ATF3: variants seen among roughly 807,000 people sequenced by gnomAD.
ATF3 encodes activating transcription factor 3, also known as cyclic AMP-dependent transcription factor ATF-3.
ATF3 carries 10 observed loss-of-function variants against 18.4 expected under a neutral mutation model. The ratio of observed to expected loss-of-function variants is 0.54; its 90% CI spans 0.34 to 0.92. The LOEUF is 0.92. Ranked by LOEUF, ATF3 falls within the 40% of genes least tolerant of loss-of-function variation. ATF3 has a pLI of 0.02. For missense variants in ATF3, 183 were observed against 222.3 expected (o/e 0.82, Z 1.12); for synonymous variants, 78 against 87.9 (o/e 0.89, Z 0.63).
At chr1:212,569,327 T>C (rs1244694605) in intron 1 of ATF3, among the ~76,000 whole-genome samples, 1 of 152,252 alleles carries the variant, frequency 6.6e-6, no homozygotes, top group Non-Finnish European at 1.5e-5. Context: ...CTTTTCATCA[T>C]ATACACTTTC....
upstream of ATF3, among the ~76,000 whole-genome samples, chr1:212,604,148 T>A (rs1183525637): frequency 6.6e-6 from 1 of 152,216 alleles, no homozygotes; most frequent in Admixed American, 6.5e-5. Context: ...ATTTGATTCT[T>A]ACAACAACCT....
Position 212,615,086 on chromosome 1 carries a change from G to A in ATF3, c.65G>A (p.Cys22Tyr). The A allele has an allele frequency of 1.2e-6, 2 of 1,614,160 alleles. No individual in the cohort carries two copies. The highest frequency in any genetic ancestry group is 1.3e-5 in the African/African-American group (1 of 75,028). ...SEVSASAIVP[C>Y]LSPPGSLVFE... ...GTGAGTGCTTCTGCCATCGTCCCCTGCCTGTCCCCTCCTGGGTCACTGGTG... is the reference window on the plus strand; with the variant it reads ...GTGAGTGCTTCTGCCATCGTCCCCTACCTGTCCCCTCCTGGGTCACTGGTG... Residue 22 changes from cysteine (C) to tyrosine (Y), a missense_variant, in exon 2 of 4, where the codon TGC becomes TAC. Transcript: ENST00000341491.
chr1:212,597,464 A>ATCTC (rs1558233090), intron 1 of ATF3, among the ~76,000 whole-genome samples: 25 of 144,842 alleles, frequency 1.7e-4, no homozygotes, highest in African/African-American at 6.5e-4. Flanking sequence ...CTATCTCTCT[A>ATCTC]TCTAGCTAGC....
intron 1 of ATF3, among the ~76,000 whole-genome samples, chr1:212,582,742 G>T (rs143986634): frequency 6.6e-6 from 1 of 152,182 alleles, no homozygotes; most frequent in East Asian, 1.9e-4. Context: ...TTTCAGGCAA[G>T]TATTCCGGCC....
upstream of ATF3, among the ~76,000 whole-genome samples, chr1:212,607,634 C>A (rs1571781059): frequency 6.6e-6 from 1 of 152,230 alleles, no homozygotes; most frequent in Non-Finnish European, 1.5e-5. Context: ...CCGGGCCGTC[C>A]GGTCCCAGTC....
At chr1:212,606,067 C>T (rs1373560067), upstream of ATF3, among the ~76,000 whole-genome samples, 2 of 152,198 alleles carry the variant, frequency 1.3e-5, no homozygotes. Flanking sequence ...GTGGCATTAA[C>T]TGAAGTCAGG....
intron 1 of ATF3, among the ~76,000 whole-genome samples, chr1:212,590,125 G>A (rs1664854508): frequency 6.6e-6 from 1 of 152,206 alleles, no homozygotes; most frequent in South Asian, 2.1e-4. Context: ...CATGTTGAAA[G>A]ACATGCTTTT....
At chr1:212,598,490 T>G (rs1177523430) in intron 1 of ATF3, among the ~76,000 whole-genome samples, 1 of 152,250 alleles carries the variant, frequency 6.6e-6, no homozygotes, top group East Asian at 1.9e-4. Flanking sequence ...TTCTAGTTAT[T>G]TCTAAATGTA....
At chr1:212,609,375 T>TTGG (rs1654783368) in intron 1 of ATF3, among the ~76,000 whole-genome samples, 1 of 67,234 alleles carries the variant, frequency 1.5e-5, no homozygotes, top group Non-Finnish European at 3.1e-5. Context: ...CCTTCCCGGG[T>TTGG]GGGGGGGGGG....
intron 1 of ATF3, among the ~76,000 whole-genome samples, chr1:212,587,752 G>T (rs137973634): frequency 1.1e-3 from 170 of 152,282 alleles, no homozygotes; most frequent in Non-Finnish European, 2.0e-3. Flanking sequence ...TGTATCTCCT[G>T]CCTTTCGTCC....
intron 1 of ATF3, among the ~76,000 whole-genome samples, chr1:212,569,442 C>T (rs541286523): frequency 2.6e-5 from 4 of 152,232 alleles, no homozygotes; most frequent in East Asian, 3.9e-4. Flanking sequence ...TTTTCTAATG[C>T]GAGCCTATTT....
At chr1:212,566,456 G>T (rs1370952001) in intron 1 of ATF3, among the ~76,000 whole-genome samples, 1 of 152,174 alleles carries the variant, frequency 6.6e-6, no homozygotes, top group Admixed American at 6.5e-5. Flanking sequence ...ATGAAGCTGA[G>T]AGCCTTTTCA....
Position 212,619,973 on chromosome 1 carries a change from G to C in ATF3, c.*418G>C, listed in dbSNP as rs190063497. On this transcript the variant is annotated 3_prime_UTR_variant, in exon 4 of 4. Transcript: ENST00000341491. The surrounding 1 kb of genome is among the most constrained non-coding windows in gnomAD (Gnocchi z 4.4). ...ACCATTGTCACTCGTAGGGGATGTG[G>C]AGTGAGAACAGCATTTAGTGAAGTT... 4 of 259,166 alleles carry C rather than the reference G, an allele frequency of 1.5e-5. No individual in the cohort carries two copies. The East Asian group carries it at 3.7e-4, about 24-fold the overall frequency. The allele number at this position is 259,166 out of a possible 1,614,324, so 16.1% of individuals were successfully genotyped here.
At chr1:212,581,440 A>G (rs940709686) in intron 1 of ATF3, among the ~76,000 whole-genome samples, 3 of 152,220 alleles carry the variant, frequency 2.0e-5, no homozygotes, top group Admixed American at 1.3e-4. Flanking sequence ...AGTGAACTGC[A>G]TGAACCCATG....
At chr1:212,588,250 C>T (rs1167919740) in intron 1 of ATF3, among the ~76,000 whole-genome samples, 5 of 152,114 alleles carry the variant, frequency 3.3e-5, no homozygotes, top group South Asian at 4.1e-4. Context: ...TTAATTGAAA[C>T]TGCACGTTCT....
intron 2 of ATF3, among the ~76,000 whole-genome samples, chr1:212,617,126 G>A (rs548044474): frequency 5.9e-5 from 9 of 152,302 alleles, no homozygotes; most frequent in Admixed American, 2.0e-4. Flanking sequence ...AGCTTGGAGC[G>A]TGGTGGTCCC....
intron 1 of ATF3, among the ~76,000 whole-genome samples, chr1:212,574,617 T>C (rs1218116887): frequency 6.6e-6 from 1 of 152,086 alleles, no homozygotes; most frequent in East Asian, 1.9e-4. Flanking sequence ...AATGAGTGTA[T>C]CTTCCTATAT....
upstream of ATF3, among the ~76,000 whole-genome samples, chr1:212,605,112 T>C (rs1654583333): frequency 6.6e-6 from 1 of 152,232 alleles, no homozygotes; most frequent in African/African-American, 2.4e-5. Context: ...ATGATACCAC[T>C]ACTGAGGGCT....
intron 1 of ATF3, among the ~76,000 whole-genome samples, chr1:212,583,776 G>T (rs1399131765): frequency 6.6e-6 from 1 of 152,182 alleles, no homozygotes; most frequent in Non-Finnish European, 1.5e-5. Flanking sequence ...GGATGGAAGG[G>T]GTGGGGCATA....
Sources: allele counts gnomAD v4.1 joint callset (sites outside exome capture counted in the v4.1 genomes callset), GRCh38; gene constraint gnomAD v4.1.1; non-coding constraint Gnocchi (gnomAD v3.1); transcripts MANE v1.5; gene names NCBI Gene and HGNC (gene_info 2026-07-23, HGNC 2026-07-21).